MCF2L2: variants seen among roughly 807,000 people sequenced by gnomAD.
The protein encoded by MCF2L2 is probable guanine nucleotide exchange factor MCF2L2.
In MCF2L2, 102 loss-of-function variants were observed where a neutral mutation model predicts 150.2. The ratio of observed to expected loss-of-function variants is 0.68; its 90% CI spans 0.58 to 0.80. MCF2L2 has a LOEUF of 0.80. MCF2L2 is among the 30% of genes least tolerant of loss of function. The pLI is 0.00. For synonymous variants in MCF2L2, 465 were observed against 491.3 expected (o/e 0.95, Z 0.71); for missense variants, 1,256 against 1,372.8 (o/e 0.91, Z 1.34).
At chr3:183,186,866 C>A (rs553083030) in intron 27 of MCF2L2, among the ~76,000 whole-genome samples, 11 of 152,354 alleles carry the variant, frequency 7.2e-5, no homozygotes, top group African/African-American at 2.6e-4. Flanking sequence ...CCAAATCATG[C>A]ATTTCTATAG....
At chr3:183,350,021 A>C (rs1731050149) in intron 3 of MCF2L2, among the ~76,000 whole-genome samples, 1 of 152,206 alleles carries the variant, frequency 6.6e-6, no homozygotes, top group African/African-American at 2.4e-5. Context: ...TGAAATAAGC[A>C]GCTGCTGGCA....
At chr3:183,224,690 T>A (rs1723280999) in intron 18 of MCF2L2, 2 of 152,704 alleles carry the variant, frequency 1.3e-5, no homozygotes, top group African/African-American at 4.8e-5. Context: ...AGAGGGGAGA[T>A]GTGGTAGATC....
intron 1 of MCF2L2, among the ~76,000 whole-genome samples, chr3:183,392,984 A>G (rs1714244950): frequency 1.3e-5 from 2 of 152,142 alleles, no homozygotes; most frequent in African/African-American, 2.4e-5. Context: ...GCCACCTTCT[A>G]GATAGGTGAT....
chr3:183,395,141 A>C (rs1217052621), intron 1 of MCF2L2, among the ~76,000 whole-genome samples: 1 of 152,212 alleles, frequency 6.6e-6, no homozygotes, highest in Non-Finnish European at 1.5e-5. Flanking sequence ...TATTTTATGC[A>C]CTCATCCTAT....
intron 3 of MCF2L2, among the ~76,000 whole-genome samples, chr3:183,347,389 T>G (rs1426195742): frequency 6.6e-6 from 1 of 152,100 alleles, no homozygotes; most frequent in Non-Finnish European, 1.5e-5. Context: ...TCCTTACAAC[T>G]TATACAAAAA....
intron 18 of MCF2L2, chr3:183,228,026 T>TACACACACAC (rs144915150): frequency 1.6e-4 from 22 of 140,326 alleles, no homozygotes; most frequent in Admixed American, 9.7e-4. Flanking sequence ...TATATATACA[T>TACACACACAC]ATACACACAC....
chr3:183,199,874 G>T (rs1722212006), intron 25 of MCF2L2, among the ~76,000 whole-genome samples: 1 of 149,970 alleles, frequency 6.7e-6, no homozygotes. Flanking sequence ...AGAACACACG[G>T]TGTTTGGTTT....
chr3:183,232,278 G>A (rs934068696), intron 15 of MCF2L2, among the ~76,000 whole-genome samples: 12 of 152,130 alleles, frequency 7.9e-5, no homozygotes, highest in Admixed American at 1.3e-4. Context: ...CCACAACCAC[G>A]CGAACTTAGA....
intron 4 of MCF2L2, among the ~76,000 whole-genome samples, chr3:183,340,202 G>A (rs1466660564): frequency 1.3e-5 from 2 of 152,224 alleles, no homozygotes; most frequent in African/African-American, 4.8e-5. Flanking sequence ...GAAAGTATTA[G>A]CTGAGACATA....
intron 14 of MCF2L2, among the ~76,000 whole-genome samples, chr3:183,285,615 C>T (rs1403745773): frequency 6.6e-6 from 1 of 152,230 alleles, no homozygotes; most frequent in Non-Finnish European, 1.5e-5. Flanking sequence ...CCTTCACTCA[C>T]CTCTCCATTC....
Position 183,300,215 on chromosome 3 carries a change from C to A in MCF2L2, c.1114-19G>T. 6.3e-7 allele frequency: 1 copy of A among 1,584,746 alleles called. No homozygotes were observed. Among genetic ancestry groups the A allele is most frequent in the Admixed American group, 1.9e-5 (1 of 52,624 alleles). On this transcript the variant is annotated intron_variant, in intron 10 of 29. Transcript: ENST00000328913. ...GGGGCTCCTGCAAAGTGAACACCCACAGCCAGGCGTCAGAAGTCAGAGCAT... is the reference window on the plus strand; with the variant it reads ...GGGGCTCCTGCAAAGTGAACACCCAAAGCCAGGCGTCAGAAGTCAGAGCAT...
At chr3:183,346,062 T>C (rs1450024154) in intron 3 of MCF2L2, among the ~76,000 whole-genome samples, 4 of 152,180 alleles carry the variant, frequency 2.6e-5, no homozygotes, top group Non-Finnish European at 5.9e-5. Context: ...CCTCCCTAGC[T>C]CATTTTATGA....
intron 15 of MCF2L2, among the ~76,000 whole-genome samples, chr3:183,274,794 G>A (rs771452684): frequency 6.6e-6 from 1 of 152,046 alleles, no homozygotes; most frequent in Non-Finnish European, 1.5e-5. Context: ...TTTTCCTTCC[G>A]ATCACTTCCG....
chr3:183,304,831 C>A (rs2108503157), intron 10 of MCF2L2, among the ~76,000 whole-genome samples: 2 of 152,040 alleles, frequency 1.3e-5, no homozygotes, highest in South Asian at 4.2e-4. Flanking sequence ...TTAAACAGTA[C>A]CTGGCATGGT....
At chr3:183,239,122 C>T (rs947640697) in intron 15 of MCF2L2, among the ~76,000 whole-genome samples, 33 of 151,896 alleles carry the variant, frequency 2.2e-4, no homozygotes, top group African/African-American at 7.3e-4. Flanking sequence ...CCTTTCAGCA[C>T]CAACAGCAAT....
rs369776124 is a variant in MCF2L2, at chr3:183,223,406, A to G, written c.2241T>C (p.Pro747=). ...VCQRQLDHNL[P]LFKYLKGPSQ... ...TTGGTCCTTTGAGATACTTAAAAAG[A>G]GGGAGATTGTGATCCAGTTGGCGCT... The change falls in exon 20 of 30, where the codon CCT becomes CCC. Residue 747 remains proline, a synonymous_variant. Coordinates refer to ENST00000328913, the MANE Select transcript of MCF2L2 (RefSeq NM_015078.4). The G allele has an allele frequency of 3.1e-6, 5 of 1,614,062 alleles. No homozygotes were observed. The highest frequency in any genetic ancestry group is 3.4e-6 in the Non-Finnish European group (4 of 1,179,996).
In MCF2L2 at chr3:183,271,047, T is replaced by A. The variant is rs569767581; in HGVS notation, c.1862+5825A>T. On this transcript the variant is annotated intron_variant, in intron 15 of 29. Transcript: ENST00000328913. ...AAATGAGGACGAAAGACAAATATTT[T>A]GAAAGCCTAGTCCATCAGAATGTTT... The A allele has an allele frequency of 1.3e-4, 136 of 1,014,958 alleles. 1 individual carries two copies. In the Middle Eastern group the frequency reaches 1.7e-3, roughly 13 times the overall value. The allele number at this position is 1,014,958 out of a possible 1,614,324, so 62.9% of individuals were successfully genotyped here. A position where few individuals can be genotyped will look rare whatever the true frequency, so the allele number is the denominator to read the frequency against.
At chr3:183,418,776 C>A (rs946106994) in intron 1 of MCF2L2, among the ~76,000 whole-genome samples, 1 of 152,218 alleles carries the variant, frequency 6.6e-6, no homozygotes, top group Non-Finnish European at 1.5e-5. Flanking sequence ...GGCATCTCTG[C>A]CCCTGTGGCT....
At chr3:183,239,758 C>T (rs1366935682) in intron 15 of MCF2L2, among the ~76,000 whole-genome samples, 1 of 152,184 alleles carries the variant, frequency 6.6e-6, no homozygotes, top group Non-Finnish European at 1.5e-5. Flanking sequence ...TTTTCAAGAA[C>T]CCGAACTCAG....
Sources: gnomAD v4.1 joint callset for allele counts (sites outside exome capture counted in the v4.1 genomes callset) on GRCh38, gnomAD v4.1.1 for gene constraint, MANE v1.5 for transcripts, NCBI Gene and HGNC (gene_info 2026-07-23, HGNC 2026-07-21) for gene names.